SPEG: variants seen among roughly 807,000 people sequenced by gnomAD.
The protein encoded by SPEG is striated muscle preferentially expressed protein kinase.
SPEG carries 114 observed loss-of-function variants against 300.4 expected under a neutral mutation model. The ratio of observed to expected loss-of-function variants is 0.38; its 90% confidence interval spans 0.33 to 0.44. SPEG has a LOEUF of 0.44. SPEG is among the 20% of genes least tolerant of loss of function. The pLI, the probability that SPEG is intolerant of heterozygous loss-of-function variation, is 1.00. For synonymous variants in SPEG, 1,964 were observed against 2,018.9 expected, an observed-to-expected ratio of 0.97 and a Z score of 0.73; for missense variants, 4,201 against 4,586.2, an observed-to-expected ratio of 0.92 and a Z score of 2.43.
intron 3 of SPEG, among the ~76,000 whole-genome samples, chr2:219,446,589 A>G (rs2125263607): frequency 6.6e-6 from 1 of 152,220 alleles, no homozygotes; most frequent in Non-Finnish European, 1.5e-5. Flanking sequence ...CAGGTAGGCT[A>G]AAACATCCTT....
chr2:219,486,890 C>A (rs897515172), intron 31 of SPEG, among the ~76,000 whole-genome samples: 5 of 152,092 alleles, frequency 3.3e-5, no homozygotes, highest in Admixed American at 2.6e-4. Context: ...CTTGTTGGAA[C>A]CTCAGTGTGG....
chr2:219,450,245 C>T (rs771556013), intron 4 of SPEG, among the ~76,000 whole-genome samples: 1 of 152,114 alleles, frequency 6.6e-6, no homozygotes, highest in Non-Finnish European at 1.5e-5. Flanking sequence ...TTAACTAGGC[C>T]CTTACAGATG....
rs926115380 is a variant in SPEG at position 219,445,893 on chromosome 2, G to A, written c.815+732G>A. Among the ~76,000 whole-genome samples the A allele has an allele frequency of 1.3e-5, 2 of 152,154 alleles. No homozygotes were observed. The highest frequency in any genetic ancestry group is 1.5e-5 in the Non-Finnish European group (1 of 68,018). On this transcript the variant is annotated intron_variant, in intron 3 of 40. Transcript: ENST00000312358. This position sits in a 1 kb window ranked among gnomAD's most constrained non-coding sequence, Gnocchi z 6.1. ...GTGGGATTCAAGGTTGTCCCAGGAG[G>A]GGGTGTGAGGAGCGGAGGTGTTGGA...
chr2:219,437,179 G>A (rs1954741366), intron 1 of SPEG: 1 of 152,316 alleles, frequency 6.6e-6, no homozygotes, highest in East Asian at 1.9e-4. Flanking sequence ...TGGGGGCCTT[G>A]TACTCCTCAA....
Position 219,477,268 on chromosome 2 carries a change from A to C in SPEG, c.4561-9A>C. On this transcript the variant is annotated splice_polypyrimidine_tract_variant and intron_variant, in intron 19 of 40. Coordinates refer to ENST00000312358, the MANE Select transcript of SPEG (RefSeq NM_005876.5). This position sits in a 1 kb window ranked among gnomAD's most constrained non-coding sequence, Gnocchi z 6.4. ...AGGCCCAGGCTGAAGGTGAGACCCC[A>C]CTCTGCAGGACGAGGTGCTGCTGAC... 6.2e-7 allele frequency: 1 copy of C among 1,605,796 alleles called. No homozygotes were observed. The highest frequency in any genetic ancestry group is 8.5e-7 in the Non-Finnish European group (1 of 1,177,430).
intron 10 of SPEG, 128 bp downstream of exon 10, chr2:219,467,562 G>A: frequency 1.8e-6 from 2 of 1,099,256 alleles, no homozygotes; most frequent in Non-Finnish European, 2.6e-6. Context: ...GAGGGTGGGA[G>A]CTAGTACATT....
rs760748935 is a variant in SPEG, at chr2:219,482,813, G to A, written c.5595G>A (p.Thr1865=). ...AGGCAAAGGGCGCAGAGGTGAGCAC[G>A]GATCACCTGAAGCTATTCCTCTCCC... ...KTQAKGAEVS[T]DHLKLFLSRR... Residue 1865 remains threonine, a synonymous_variant, in exon 29 of 41, where the codon ACG becomes ACA. Coordinates refer to ENST00000312358, the MANE Select transcript of SPEG (RefSeq NM_005876.5). 3.0e-5 allele frequency: 49 copies of A among 1,613,748 alleles called. No individual in the cohort carries two copies. In the African/African-American group the frequency reaches 3.9e-4, roughly 13 times the overall value.
In SPEG at chr2:219,464,532, C is replaced by G; in HGVS notation, c.2805C>G (p.Gly935=). The change falls in exon 9 of 41, where the codon GGC becomes GGG. Residue 935 remains glycine, a synonymous_variant. Transcript: ENST00000312358. The surrounding 1 kb of genome is among the most constrained non-coding windows in gnomAD (Gnocchi z 4.5). The part of the protein sequence containing the change: ...CRLRILAAER[G]DAGFYTCKAV... ...TGCGGATCCTGGCTGCAGAGCGTGG[C>G]GATGCTGGTTTCTACACTTGCAAAG... The G allele has an allele frequency of 6.2e-7, 1 of 1,614,214 alleles. No homozygotes were observed. Among genetic ancestry groups the G allele is most frequent in the Non-Finnish European group, 8.5e-7 (1 of 1,180,024 alleles).
Position 219,444,074 on chromosome 2 carries a change from C to A in SPEG, c.389-579C>A, listed in dbSNP as rs1369769991. The A allele has an allele frequency of 2.9e-6, 4 of 1,363,360 alleles. No individual in the cohort carries two copies. Among genetic ancestry groups the A allele is most frequent in the South Asian group, 1.1e-5 (1 of 87,088 alleles). The allele number at this position is 1,363,360 out of a possible 1,614,324, so 84.5% of individuals were successfully genotyped here. A position where few individuals can be genotyped will look rare whatever the true frequency, so the allele number is the denominator to read the frequency against. On this transcript the variant is annotated intron_variant, in intron 1 of 40. Coordinates refer to ENST00000312358, the MANE Select transcript of SPEG (RefSeq NM_005876.5). The surrounding 1 kb of genome is among the most constrained non-coding windows in gnomAD (Gnocchi z 7.8). ...GCAAAGTTACGGTAGGAAACTGGCTCCTGCTCTAGCCCCCCGCATCCCCCC... is the reference window on the plus strand; with the variant it reads ...GCAAAGTTACGGTAGGAAACTGGCTACTGCTCTAGCCCCCCGCATCCCCCC...
intron 8 of SPEG, among the ~76,000 whole-genome samples, chr2:219,463,313 A>G (rs1044349769): frequency 6.7e-6 from 1 of 149,038 alleles, no homozygotes; most frequent in African/African-American, 2.5e-5. Context: ...TGCCTGGAAG[A>G]TGGATTACTC....
rs1242144026 is a variant in SPEG, at chr2:219,455,439, C to T, written c.2440+3632C>T. 3.3e-5 allele frequency among the ~76,000 whole-genome samples: 5 copies of T among 152,178 alleles called. No homozygotes were observed. The East Asian group carries it at 5.8e-4, about 18-fold the overall frequency. On this transcript the variant is annotated intron_variant, in intron 6 of 40. Transcript: ENST00000312358. ...TTAGTGAGCACTTGAAATGCAGCTGCGGTGACTGAGGAACTGCATTTTAAA... is the reference window on the plus strand; with the variant it reads ...TTAGTGAGCACTTGAAATGCAGCTGTGGTGACTGAGGAACTGCATTTTAAA...
chr2:219,469,348 C>T lies in SPEG; in HGVS notation c.3684C>T (p.Ile1228=), dbSNP rs1691666345. 1.9e-6 allele frequency: 3 copies of T among 1,613,810 alleles called. No homozygotes were observed. Among genetic ancestry groups the T allele is most frequent in the Middle Eastern group, 1.7e-4 (1 of 6,060 alleles). Residue 1228 remains isoleucine (I), a synonymous_variant, in exon 13 of 41, where the codon ATC becomes ATT. Coordinates refer to ENST00000312358, the MANE Select transcript of SPEG (RefSeq NM_005876.5). Reference sequence around the variant, plus strand: ...GCTGGTTCCACAATGGCCACCGCATCCAGAGCAGCGACGACCGGCGCATGA... The same window carrying T: ...GCTGGTTCCACAATGGCCACCGCATTCAGAGCAGCGACGACCGGCGCATGA... ...TISWFHNGHR[I]QSSDDRRMTQ... is the part of the protein sequence containing the mutation.
chr2:219,492,802 C>T lies in SPEG; in HGVS notation c.*16C>T. On this transcript the variant is annotated 3_prime_UTR_variant, in exon 41 of 41. Transcript: ENST00000312358. ...CGGCCCCTAGAGGCACGGACCACAG[C>T]CAGGCCTCGGGCTTCAACTGGGGTT... The T allele has an allele frequency of 6.4e-7, 1 of 1,563,846 alleles. No homozygotes were observed. Among genetic ancestry groups the T allele is most frequent in the Non-Finnish European group, 8.6e-7 (1 of 1,160,712 alleles).
At chr2:219,467,573 G>C in intron 10 of SPEG, 139 bp downstream of exon 10, 1 of 968,506 alleles carries the variant, frequency 1.0e-6, no homozygotes, top group Non-Finnish European at 1.5e-6. Flanking sequence ...CTAGTACATT[G>C]CCTTGGCCTC....
chr2:219,455,619 G>C (rs536142550), intron 6 of SPEG, among the ~76,000 whole-genome samples: 1 of 152,302 alleles, frequency 6.6e-6, no homozygotes, highest in East Asian at 1.9e-4. Context: ...TCCTAACCAT[G>C]ACACTATCCC....
At chr2:219,446,635 C>T (rs930074706) in intron 3 of SPEG, among the ~76,000 whole-genome samples, 29 of 152,154 alleles carry the variant, frequency 1.9e-4, no homozygotes, top group Admixed American at 1.7e-3. Context: ...TGGCTGGCAC[C>T]CTACTACTTG....
Position 219,483,594 on chromosome 2 carries a change from G to C in SPEG, c.6131G>C (p.Arg2044Pro). ...KAASVELPQR[R>P]SPSPGATRLA... Reference sequence around the variant, plus strand: ...GCGTCTGTGGAGCTGCCGCAGCGCCGGAGCCCCAGCCCGGGAGCCACCCGC... The same window carrying C: ...GCGTCTGTGGAGCTGCCGCAGCGCCCGAGCCCCAGCCCGGGAGCCACCCGC... Residue 2044 changes from arginine (R) to proline (P), a missense_variant, in exon 30 of 41, where the codon CGG becomes CCG. Arg to Pro is a moderately radical substitution (Grantham distance 103, BLOSUM62 -2). Transcript: ENST00000312358. 6.7e-7 allele frequency: 1 copy of C among 1,483,366 alleles called. No individual in the cohort carries two copies. The highest frequency in any genetic ancestry group is 8.9e-7 in the Non-Finnish European group (1 of 1,127,204). The allele number at this position is 1,483,366 out of a possible 1,614,324, so 91.9% of individuals were successfully genotyped here.
intron 39 of SPEG, 66 bp downstream of exon 39, chr2:219,491,935 G>T: frequency 1.4e-6 from 2 of 1,436,910 alleles, no homozygotes; most frequent in Non-Finnish European, 1.9e-6. Context: ...CTCACCTTCT[G>T]CCAACACCCT....
Position 219,451,999 on chromosome 2 carries a change from C to G in SPEG, c.2440+192C>G, listed in dbSNP as rs572582219. Among the ~76,000 whole-genome samples, 7 of 152,368 alleles carry G rather than the reference C, an allele frequency of 4.6e-5. No homozygotes were observed. The South Asian group carries it at 1.4e-3, about 32-fold the overall frequency. On this transcript the variant is annotated intron_variant, in intron 6 of 40. Coordinates refer to ENST00000312358, the MANE Select transcript of SPEG (RefSeq NM_005876.5). This position sits in a 1 kb window ranked among gnomAD's most constrained non-coding sequence, Gnocchi z 6.4. The stretch of plus-strand genomic sequence containing the variant: ...GTTTTAAATGGCCCTGGCCTCAGGG[C>G]AGGGGCCAAATCCCCAAGGCGCACA...
Sources: allele counts gnomAD v4.1 joint callset (sites outside exome capture counted in the v4.1 genomes callset), GRCh38; gene constraint gnomAD v4.1.1; non-coding constraint Gnocchi (gnomAD v3.1); transcripts MANE v1.5; gene names NCBI Gene and HGNC (gene_info 2026-07-23, HGNC 2026-07-21).